MAP7D2: variants seen among roughly 807,000 people sequenced by gnomAD.
The protein encoded by MAP7D2 is MAP7 domain containing 2, also known as MAP7 domain-containing protein 2.
Under a neutral mutation model 63.5 loss-of-function variants are expected in MAP7D2, and 33 were observed. That is an observed-to-expected ratio of 0.52 (90% confidence interval 0.39 to 0.70). The LOEUF is 0.70. Ranked by LOEUF, MAP7D2 falls within the 30% of genes least tolerant of loss-of-function variation. The pLI is 0.00. For synonymous variants in MAP7D2, 224 were observed against 223.7 expected (o/e 1.00, Z -0.01); for missense variants, 626 against 604.0 (o/e 1.04, Z -0.38).
At chrX:20,032,181 T>C (rs754881437) in intron 8 of MAP7D2, among the ~76,000 whole-genome samples, 4 of 112,262 alleles carry the variant, frequency 3.6e-5, no homozygotes, top group Non-Finnish European at 5.6e-5. Context: ...GATCCTCTGA[T>C]AAGACTCAAA....
chrX:20,015,262 A>C lies in MAP7D2; in HGVS notation c.1710T>G (p.Ile570Met). ...GTCTCTCCTGCTCAATCTGCAGCAT[A>C]ATCTGTTCTCTCTCGAGACGCATCT... ...AEQMRLEREQ[I>M]MLQIEQERLE... Residue 570 changes from isoleucine to methionine, a missense_variant, in exon 12 of 17, where the codon ATT becomes ATG. Physicochemically the swap from Ile to Met is conservative, Grantham distance 10. Coordinates refer to ENST00000379643, the MANE Select transcript of MAP7D2 (RefSeq NM_001168465.2). The C allele has an allele frequency of 8.3e-7, 1 of 1,211,064 alleles. No homozygotes were observed. The highest frequency in any genetic ancestry group is 1.7e-5 in the African/African-American group (1 of 57,698).
Position 20,081,871 on chromosome X carries a change from A to G in MAP7D2, c.131-17066T>C, listed in dbSNP as rs762467985. ...CACCATGTTGGCCAGGCTGGTCTCA[A>G]ACTTCTGACCTTAGGTGATCAGCCC... is the stretch of plus-strand genomic sequence containing the variant. On this transcript the variant is annotated intron_variant, in intron 1 of 16. Transcript: ENST00000379643. Among the ~76,000 whole-genome samples the G allele has an allele frequency of 5.4e-5, 6 of 111,354 alleles. No homozygotes were observed. In the South Asian group the frequency reaches 1.9e-3, roughly 35 times the overall value.
chrX:20,077,192 C>T (rs4825333), intron 1 of MAP7D2, among the ~76,000 whole-genome samples: 40,389 of 111,069 alleles, frequency 0.36, 8,664 homozygotes, highest in African/African-American at 0.82. Context: ...CAGTGACTCA[C>T]GCCTGTAATC....
Position 20,011,043 on chromosome X carries a change from T to C in MAP7D2, c.2082A>G (p.Ser694=), listed in dbSNP as rs1054285937. The C allele has an allele frequency of 1.7e-6, 2 of 1,208,264 alleles. No individual in the cohort carries two copies. The highest frequency in any genetic ancestry group is 3.5e-5 in the African/African-American group (2 of 57,144). ...EVQSMDVSPV[S]KEELISIPEF... is the part of the protein sequence containing the mutation. The stretch of plus-strand genomic sequence containing the variant: ...CCGGGATAGAGATAAGCTCTTCTTT[T>C]GAAACAGGACTAGAAGAGATGAACG... The change falls in exon 16 of 17, where the codon TCA becomes TCG. Residue 694 remains serine (S), a synonymous_variant. Coordinates refer to ENST00000379643, the MANE Select transcript of MAP7D2 (RefSeq NM_001168465.2).
intron 7 of MAP7D2, 87 bp downstream of exon 7, chrX:20,044,277 G>A: frequency 2.1e-6 from 2 of 966,568 alleles, no homozygotes; most frequent in Non-Finnish European, 2.9e-6. Flanking sequence ...GATGGAAACA[G>A]ACAGCCCAGG....
chrX:20,022,216 C>G (rs966226101), intron 10 of MAP7D2, among the ~76,000 whole-genome samples: 1 of 111,594 alleles, frequency 9.0e-6, no homozygotes, highest in East Asian at 2.8e-4. Context: ...AGTAAAAGCA[C>G]AGCTTTGGAG....
At chrX:20,059,236 C>G (rs2065138464) in intron 3 of MAP7D2, among the ~76,000 whole-genome samples, 1 of 111,686 alleles carries the variant, frequency 9.0e-6, no homozygotes, top group East Asian at 2.8e-4. Context: ...GGAGAATCCC[C>G]TGGAGGAATT....
At chrX:20,021,095 C>T in intron 10 of MAP7D2, among the ~76,000 whole-genome samples, 1 of 112,533 alleles carries the variant, frequency 8.9e-6, no homozygotes, top group South Asian at 3.7e-4. Context: ...CTAGTTCCTG[C>T]CAGTGCCTTC....
chrX:20,116,724 C>G, intron 1 of MAP7D2, 26 bp downstream of exon 1: 1 of 1,141,744 alleles, frequency 8.8e-7, no homozygotes, highest in Non-Finnish European at 1.2e-6. Flanking sequence ...AGCCCTCGGG[C>G]GCCCGCCACA....
At chrX:20,074,968 A>G (rs1208663768) in intron 1 of MAP7D2, among the ~76,000 whole-genome samples, 1 of 111,330 alleles carries the variant, frequency 9.0e-6, no homozygotes, top group East Asian at 2.8e-4. Flanking sequence ...CAGGAGAATC[A>G]CTTGAACCTG....
intron 2 of MAP7D2, among the ~76,000 whole-genome samples, 154 bp downstream of exon 2, chrX:20,064,574 A>C (rs1371177224): frequency 8.9e-6 from 1 of 112,183 alleles, no homozygotes; most frequent in African/African-American, 3.2e-5. Flanking sequence ...ATTTGTGAAC[A>C]TGCCAGTTGC....
Position 20,071,125 on chromosome X carries a change from T to C in MAP7D2, c.131-6320A>G, listed in dbSNP as rs753933898. Reference sequence around the variant, plus strand: ...CACCTCCTCTGGGGAGCCATCCTGATCCCTTCAAGGGGTTGCCAGGCATCC... The same window carrying C: ...CACCTCCTCTGGGGAGCCATCCTGACCCCTTCAAGGGGTTGCCAGGCATCC... On this transcript the variant is annotated intron_variant, in intron 1 of 16. Coordinates refer to ENST00000379643, the MANE Select transcript of MAP7D2 (RefSeq NM_001168465.2). Among the ~76,000 whole-genome samples, 245 of 112,471 alleles carry C rather than the reference T, an allele frequency of 2.2e-3. 1 individual carries two copies. The highest frequency in any genetic ancestry group is 7.4e-3 in the African/African-American group (229 of 31,017).
rs779366726 is a variant in MAP7D2 at position 20,088,468 on chromosome X, GTTTTTTTTTTTTTTTTTTT to G, written c.131-23682_131-23664del. On this transcript the variant is annotated intron_variant, in intron 1 of 16. Transcript: ENST00000379643. ...CCCCACCACACCCAGCTAATTTTCAGTTTTTTTTTTTTTTTTTTTTTTTTTTTTTTTTTTTTTGCAGAGA... is the reference window on the plus strand; with the variant it reads ...CCCCACCACACCCAGCTAATTTTCAGTTTTTTTTTTTTTTTTTTGCAGAGA... Among the ~76,000 whole-genome samples, 25 of 41,073 alleles carry G rather than the reference GTTTTTTTTTTTTTTTTTTT, an allele frequency of 6.1e-4. 1 individual carries two copies. The highest frequency in any genetic ancestry group is 1.1e-3 in the Admixed American group (3 of 2,664). 35.7% of individuals were successfully genotyped at this position (41,073 alleles called of 115,157 possible).
chrX:20,113,973 C>T (rs2066819284), intron 1 of MAP7D2, among the ~76,000 whole-genome samples: 1 of 111,447 alleles, frequency 9.0e-6, no homozygotes, highest in East Asian at 2.8e-4. Flanking sequence ...ACCTCCTTCC[C>T]ACCCCCCAGT....
rs1343585258 is a variant in MAP7D2, at chrX:20,094,522, A to G, written c.130+22228T>C. ...TATATATATATATATATATGTATATATATATATATATATATATATGTATAT... is the reference window on the plus strand; with the variant it reads ...TATATATATATATATATATGTATATGTATATATATATATATATATGTATAT... On this transcript the variant is annotated intron_variant, in intron 1 of 16. Transcript: ENST00000379643. 8.6e-4 allele frequency among the ~76,000 whole-genome samples: 12 copies of G among 13,913 alleles called. 1 individual carries two copies. Among genetic ancestry groups the G allele is most frequent in the Admixed American group, 1.4e-3 (1 of 700 alleles). 12.1% of individuals were successfully genotyped at this position (13,913 alleles called of 115,157 possible).
chrX:20,112,450 C>G (rs2066771293), intron 1 of MAP7D2, among the ~76,000 whole-genome samples: 1 of 111,952 alleles, frequency 8.9e-6, no homozygotes, highest in African/African-American at 3.2e-5. Flanking sequence ...TGCTTCCCAA[C>G]AGAAAAGCAG....
chrX:20,089,077 G>A (rs1209436548), intron 1 of MAP7D2, among the ~76,000 whole-genome samples: 1 of 111,666 alleles, frequency 9.0e-6, no homozygotes, highest in Non-Finnish European at 1.9e-5. Flanking sequence ...CACCGTGCTC[G>A]GCCTCTCCTG....
intron 1 of MAP7D2, among the ~76,000 whole-genome samples, chrX:20,077,800 C>A (rs1461231813): frequency 8.9e-6 from 1 of 111,909 alleles, no homozygotes; most frequent in Non-Finnish European, 1.9e-5. Context: ...GGCAAGGATT[C>A]TTTTCCAACA....
At chrX:20,030,491 C>T (rs778955527) in intron 8 of MAP7D2, among the ~76,000 whole-genome samples, 1 of 111,941 alleles carries the variant, frequency 8.9e-6, no homozygotes, top group African/African-American at 3.3e-5. Context: ...GCAGAAAATA[C>T]GAACAAACAC....
Sources: gnomAD v4.1 joint callset for allele counts (sites outside exome capture counted in the v4.1 genomes callset) on GRCh38, gnomAD v4.1.1 for gene constraint, MANE v1.5 for transcripts, NCBI Gene and HGNC (gene_info 2026-07-23, HGNC 2026-07-21) for gene names.